Variants in ZCCHC14 observed in about 807,000 individuals in gnomAD.
ZCCHC14 encodes zinc finger CCHC-type containing 14, also known as zinc finger CCHC domain-containing protein 14.
A neutral mutation model predicts 85.0 loss-of-function variants in ZCCHC14; 16 were observed. The observed-to-expected ratio is 0.19, with a 90% confidence interval of 0.13 to 0.29. The LOEUF (loss-of-function observed/expected upper bound fraction) is 0.29. Ranked by LOEUF, ZCCHC14 falls within the 10% of genes least tolerant of loss-of-function variation. ZCCHC14 has a pLI of 1.00. For synonymous variants in ZCCHC14, 775 were observed against 630.7 expected (o/e 1.23, Z -3.43); for missense variants, 1,303 against 1,443.5 (o/e 0.90, Z 1.58).
chr16:87,436,546 T>A (rs1386358402), intron 2 of ZCCHC14, among the ~76,000 whole-genome samples: 1 of 152,162 alleles, frequency 6.6e-6, no homozygotes, highest in Non-Finnish European at 1.5e-5. Context: ...CTGCAGCCAT[T>A]AGACGCTGTG....
intron 3 of ZCCHC14, among the ~76,000 whole-genome samples, chr16:87,425,432 C>A (rs1023175342): frequency 6.6e-6 from 1 of 151,930 alleles, no homozygotes; most frequent in African/African-American, 2.4e-5. Flanking sequence ...CAAAATTGGC[C>A]GGGCATGGTG....
intron 2 of ZCCHC14, among the ~76,000 whole-genome samples, chr16:87,447,351 G>T (rs1175730131): frequency 6.6e-6 from 1 of 152,052 alleles, no homozygotes; most frequent in Non-Finnish European, 1.5e-5. Context: ...AAAATGCAGA[G>T]ATCTGAAGTG....
intron 2 of ZCCHC14, among the ~76,000 whole-genome samples, chr16:87,449,709 T>C (rs1910604571): frequency 6.6e-6 from 1 of 152,014 alleles, no homozygotes; most frequent in African/African-American, 2.4e-5. Flanking sequence ...AAAATCACAG[T>C]AAAGGGAATA....
At chr16:87,415,861 C>A (rs547023921) in intron 8 of ZCCHC14, among the ~76,000 whole-genome samples, 1 of 152,194 alleles carries the variant, frequency 6.6e-6, no homozygotes, top group Non-Finnish European at 1.5e-5. Flanking sequence ...TCACCCTCTG[C>A]GGGATGGTCG....
chr16:87,413,869 G>A (rs763958641), intron 10 of ZCCHC14, among the ~76,000 whole-genome samples: 1 of 152,124 alleles, frequency 6.6e-6, no homozygotes, highest in Non-Finnish European at 1.5e-5. Flanking sequence ...ACCCCCACGC[G>A]CTCGCTCTCA....
chr16:87,424,600 G>C (rs1398200237), intron 3 of ZCCHC14, among the ~76,000 whole-genome samples: 1 of 152,162 alleles, frequency 6.6e-6, no homozygotes, highest in African/African-American at 2.4e-5. Flanking sequence ...AGCTCCAGGG[G>C]GGAAGGGGCG....
At chr16:87,478,156 A>C (rs1403399292) in intron 1 of ZCCHC14, among the ~76,000 whole-genome samples, 1 of 152,248 alleles carries the variant, frequency 6.6e-6, no homozygotes, top group Non-Finnish European at 1.5e-5. Flanking sequence ...CACCTATTTA[A>C]AAAACAACCC....
At chr16:87,415,871 G>A (rs565034782) in intron 8 of ZCCHC14, among the ~76,000 whole-genome samples, 8 of 152,194 alleles carry the variant, frequency 5.3e-5, no homozygotes, top group Admixed American at 3.9e-4. Context: ...CGGGATGGTC[G>A]TCTTTTTCTT....
intron 1 of ZCCHC14, among the ~76,000 whole-genome samples, chr16:87,478,014 C>A (rs1017994282): frequency 4.3e-4 from 66 of 152,352 alleles, no homozygotes; most frequent in African/African-American, 1.6e-3. Flanking sequence ...GATACGCCCC[C>A]ACGCATCGCT....
Position 87,417,545 on chromosome 16 carries a change from T to A in ZCCHC14, c.1298A>T (p.Gln433Leu). Residue 433 changes from glutamine to leucine, a missense_variant, in exon 8 of 13, where the codon CAG becomes CTG. Physicochemically the swap from Gln to Leu is moderately radical, Grantham distance 113 (BLOSUM62 -2). Transcript: ENST00000671377. ...CCAGTCTAGAATCCCATTCTGCTCC[T>A]GGGTCTGAGGGGTCTGCAGACTGGA... ...MPSSLQTPQT[Q>L]EQNGILDWLR... is the part of the protein sequence containing the mutation. 6.2e-7 allele frequency: 1 copy of A among 1,614,240 alleles called. No homozygotes were observed. Among genetic ancestry groups the A allele is most frequent in the Non-Finnish European group, 8.5e-7 (1 of 1,180,044 alleles).
chr16:87,434,060 G>A (rs1228958227), intron 2 of ZCCHC14, among the ~76,000 whole-genome samples: 1 of 152,200 alleles, frequency 6.6e-6, no homozygotes, highest in Non-Finnish European at 1.5e-5. Context: ...GAGCCGGGCT[G>A]CAGTGAATGA....
intron 1 of ZCCHC14, among the ~76,000 whole-genome samples, chr16:87,479,807 G>A (rs756917817): frequency 5.3e-5 from 8 of 152,096 alleles, no homozygotes; most frequent in Non-Finnish European, 1.0e-4. Flanking sequence ...GATGCCACGC[G>A]GCTTCTTCCG....
At chr16:87,433,674 C>CTT (rs535682909) in intron 2 of ZCCHC14, among the ~76,000 whole-genome samples, 1 of 149,844 alleles carries the variant, frequency 6.7e-6, no homozygotes, top group African/African-American at 2.4e-5. Context: ...CTTCTTTTTT[C>CTT]TTTTTTTTTT....
chr16:87,452,159 C>A (rs1910737938), intron 2 of ZCCHC14, among the ~76,000 whole-genome samples: 1 of 152,148 alleles, frequency 6.6e-6, no homozygotes, highest in African/African-American at 2.4e-5. Flanking sequence ...AAGATGGAGG[C>A]CTAGATGAGG....
intron 1 of ZCCHC14, chr16:87,467,801 A>G (rs749728765): frequency 2.2e-6 from 1 of 464,496 alleles, no homozygotes; most frequent in East Asian, 4.3e-5. Context: ...ACAGGCGCGC[A>G]CCACCACGCC....
chr16:87,433,223 C>A (rs1350534952), intron 2 of ZCCHC14, 22 bp from the exon 3 acceptor site: 3 of 1,606,464 alleles, frequency 1.9e-6, no homozygotes, highest in Admixed American at 1.7e-5. Flanking sequence ...AAACAAAAAA[C>A]AAAAATGAAA....
At chr16:87,445,063 A>G (rs1910368391) in intron 2 of ZCCHC14, among the ~76,000 whole-genome samples, 1 of 128,252 alleles carries the variant, frequency 7.8e-6, no homozygotes, top group Non-Finnish European at 1.7e-5. Flanking sequence ...TTGTTTTTCA[A>G]AATAAACTTT....
intron 1 of ZCCHC14, among the ~76,000 whole-genome samples, chr16:87,461,168 C>G (rs565267933): frequency 6.6e-6 from 1 of 152,200 alleles, no homozygotes; most frequent in Non-Finnish European, 1.5e-5. Flanking sequence ...ACACAACAAG[C>G]GCAGAAACAA....
rs550877650 is a variant in ZCCHC14, at chr16:87,488,101, G to C, written c.570+3568C>G. Among the ~76,000 whole-genome samples the C allele has an allele frequency of 4.6e-5, 7 of 152,228 alleles. No individual in the cohort carries two copies. In the South Asian group the frequency reaches 1.0e-3, roughly 23 times the overall value. On this transcript the variant is annotated intron_variant, in intron 1 of 12. Transcript: ENST00000671377. ...AAAAACCACTGACTTCACTGTAAAA[G>C]GGTGAAGTATATATAGTATATGAAT...
Sources: allele counts gnomAD v4.1 joint callset (sites outside exome capture counted in the v4.1 genomes callset), GRCh38; gene constraint gnomAD v4.1.1; transcripts MANE v1.5; gene names NCBI Gene and HGNC (gene_info 2026-07-23, HGNC 2026-07-21).